The following BBS9 variants were observed in gnomAD, a reference collection of about 807,000 sequenced individuals.
BBS9 encodes Bardet-Biedl syndrome 9.
In BBS9, 89 loss-of-function variants were observed where a neutral mutation model predicts 117.7. The observed-to-expected ratio is 0.76, with a 90% CI of 0.64 to 0.90. The LOEUF (loss-of-function observed/expected upper bound fraction) is 0.90, where lower values mean the gene tolerates loss of function less well. Among genes scored for constraint, BBS9 ranks in the 40% least tolerant of loss-of-function variants. BBS9 has a pLI of 0.00. For missense variants in BBS9, 982 were observed against 1,042.2 expected (o/e 0.94, Z 0.80); for synonymous variants, 379 against 370.9 (o/e 1.02, Z -0.25).
intron 19 of BBS9, among the ~76,000 whole-genome samples, chr7:33,393,161 G>A (rs2128769030): frequency 6.6e-6 from 1 of 152,022 alleles, no homozygotes; most frequent in Non-Finnish European, 1.5e-5. Context: ...GTGAGACCCT[G>A]TCTCAAAACA....
chr7:33,431,207 CAA>C (rs201562924), intron 19 of BBS9, among the ~76,000 whole-genome samples: 47 of 111,004 alleles, frequency 4.2e-4, no homozygotes, highest in Non-Finnish European at 3.5e-4. Context: ...GACCCTGTCT[CAA>C]AAAAAAAAAA....
intron 5 of BBS9, among the ~76,000 whole-genome samples, chr7:33,201,428 C>T (rs1210371547): frequency 2.0e-5 from 3 of 151,992 alleles, no homozygotes; most frequent in African/African-American, 4.8e-5. Context: ...GCTGCCAAAG[C>T]GAGCACAAAT....
At chr7:33,474,032 A>T (rs1490996059) in intron 19 of BBS9, among the ~76,000 whole-genome samples, 1 of 152,234 alleles carries the variant, frequency 6.6e-6, no homozygotes, top group African/African-American at 2.4e-5. Context: ...GATTTGTTAT[A>T]TCACAAATTC....
intron 4 of BBS9, among the ~76,000 whole-genome samples, 173 bp downstream of exon 4, chr7:33,155,875 G>T (rs1376990550): frequency 2.0e-5 from 3 of 151,866 alleles, no homozygotes; most frequent in African/African-American, 7.3e-5. Flanking sequence ...AGATACTTAG[G>T]CTATTACATT....
At chr7:33,329,741 T>C (rs1039387957) in intron 9 of BBS9, among the ~76,000 whole-genome samples, 1 of 152,236 alleles carries the variant, frequency 6.6e-6, no homozygotes, top group Admixed American at 6.5e-5. Context: ...CAAAAGTATA[T>C]GAGAGTATGT....
In BBS9 at chr7:33,424,835, C is replaced by T. The variant is rs919982365; in HGVS notation, c.2115+36691C>T. Among the ~76,000 whole-genome samples, 3 of 151,920 alleles carry T rather than the reference C, an allele frequency of 2.0e-5. No homozygotes were observed. In the East Asian group the frequency reaches 5.8e-4, roughly 29 times the overall value. On this transcript the variant is annotated intron_variant, in intron 19 of 22. Coordinates refer to ENST00000242067, the MANE Select transcript of BBS9 (RefSeq NM_198428.3). ...AAGAAGGATCTAGAATATGGAGTAA[C>T]TGAAGTTCCTGTTATAACTTAAGAG...
chr7:33,132,367 A>ATAGAATGC (rs1433338241), intron 1 of BBS9, among the ~76,000 whole-genome samples: 2 of 152,246 alleles, frequency 1.3e-5, no homozygotes, highest in Non-Finnish European at 2.9e-5. Context: ...GAATATCAAA[A>ATAGAATGC]TAGAATGCTT....
intron 9 of BBS9, among the ~76,000 whole-genome samples, chr7:33,300,998 T>C (rs1418538954): frequency 1.3e-5 from 2 of 152,172 alleles, no homozygotes; most frequent in Non-Finnish European, 2.9e-5. Flanking sequence ...AGTCCATTGG[T>C]CCATCTGGCT....
At chr7:33,133,371 A>G (rs1225445140) in intron 1 of BBS9, among the ~76,000 whole-genome samples, 1 of 152,188 alleles carries the variant, frequency 6.6e-6, no homozygotes, top group African/African-American at 2.4e-5. Context: ...TATCAACTCA[A>G]AAAGAAACCT....
chr7:33,544,790 G>T (rs371218758), intron 21 of BBS9, among the ~76,000 whole-genome samples: 51 of 152,148 alleles, frequency 3.4e-4, no homozygotes, highest in African/African-American at 1.2e-3. Context: ...CACTACCAGG[G>T]TGGATAGGGA....
chr7:33,152,822 A>G lies in BBS9; in HGVS notation c.234A>G (p.Val78=), dbSNP rs1793553184. ...LLLEVDLRDP[V]LQVEVGKFVS... Reference sequence around the variant, plus strand: ...TAGAAGTGGATCTACGAGATCCAGTACTTCAAGTGGAAGTAGGAAAGTTTG... The same window carrying G: ...TAGAAGTGGATCTACGAGATCCAGTGCTTCAAGTGGAAGTAGGAAAGTTTG... The change falls in exon 3 of 23, where the codon GTA becomes GTG. Residue 78 remains valine (V), a synonymous_variant. Transcript: ENST00000242067. 6.2e-7 allele frequency: 1 copy of G among 1,613,956 alleles called. No individual in the cohort carries two copies. Among genetic ancestry groups the G allele is most frequent in the Non-Finnish European group, 8.5e-7 (1 of 1,179,982 alleles).
At chr7:33,299,976 T>A (rs75374946) in intron 9 of BBS9, among the ~76,000 whole-genome samples, 1,654 of 152,202 alleles carry the variant, frequency 0.011, 28 homozygotes, top group African/African-American at 0.038. Context: ...AATGGGGTAA[T>A]TGAGAGAGTA....
intron 5 of BBS9, among the ~76,000 whole-genome samples, chr7:33,186,439 G>C (rs1483473421): frequency 6.6e-6 from 1 of 152,068 alleles, no homozygotes; most frequent in East Asian, 1.9e-4. Flanking sequence ...TCCTTGATTG[G>C]GCTGTGAGTG....
chr7:33,205,767 T>C (rs1462784532), intron 5 of BBS9, among the ~76,000 whole-genome samples: 1 of 152,224 alleles, frequency 6.6e-6, no homozygotes, highest in African/African-American at 2.4e-5. Flanking sequence ...ATCAAATAGA[T>C]TAAATTGATC....
intron 11 of BBS9, among the ~76,000 whole-genome samples, chr7:33,343,794 T>C (rs1234762251): frequency 1.1e-4 from 17 of 152,110 alleles, no homozygotes; most frequent in Admixed American, 1.1e-3. Context: ...CCACCGCACA[T>C]GGCCTACTTT....
At chr7:33,576,663 A>G (rs1039272935) in intron 21 of BBS9, among the ~76,000 whole-genome samples, 3 of 152,188 alleles carry the variant, frequency 2.0e-5, no homozygotes, top group Non-Finnish European at 2.9e-5. Flanking sequence ...ACTATACTAC[A>G]AGGCTACAGT....
intron 9 of BBS9, among the ~76,000 whole-genome samples, chr7:33,315,044 G>A (rs908406593): frequency 1.3e-5 from 2 of 152,154 alleles, no homozygotes; most frequent in African/African-American, 4.8e-5. Context: ...TTAATTTTGG[G>A]CTGGACTTAG....
At chr7:33,143,055 T>C (rs10237088) in intron 1 of BBS9, among the ~76,000 whole-genome samples, 24,606 of 152,024 alleles carry the variant, frequency 0.16, 2,123 homozygotes, top group South Asian at 0.22. Context: ...CTGCAACCTC[T>C]GCCTCCCAGG....
chr7:33,138,876 A>G (rs1791004964), intron 1 of BBS9, among the ~76,000 whole-genome samples: 2 of 151,128 alleles, frequency 1.3e-5, no homozygotes, highest in African/African-American at 2.4e-5. Flanking sequence ...GACATGAACC[A>G]CTGTGCCTTG....
Sources: allele counts gnomAD v4.1 joint callset (sites outside exome capture counted in the v4.1 genomes callset), GRCh38; gene constraint gnomAD v4.1.1; transcripts MANE v1.5; gene names NCBI Gene and HGNC (gene_info 2026-07-23, HGNC 2026-07-21).